Variants in MTR observed in about 807,000 individuals in gnomAD.
MTR encodes 5-methyltetrahydrofolate-homocysteine methyltransferase, also known as methionine synthase.
In MTR, 84 loss-of-function variants were observed where a neutral mutation model predicts 154.8. The observed-to-expected ratio is 0.54, with a 90% CI of 0.45 to 0.65. The LOEUF is 0.65. MTR is among the 30% of genes least tolerant of loss of function. The probability of loss-of-function intolerance (pLI) is 0.00; values close to 1 mark genes in which losing one functional copy is unlikely to be tolerated. For missense variants in MTR, 1,275 were observed against 1,570.2 expected (o/e 0.81, Z 3.18); for synonymous variants, 554 against 553.9 (o/e 1.00, Z 0.00).
rs573562167 is a variant in MTR at position 236,827,804 on chromosome 1, ATT to A, written c.995+909_995+910del. Among the ~76,000 whole-genome samples, 14 of 152,250 alleles carry A rather than the reference ATT, an allele frequency of 9.2e-5. No homozygotes were observed. In the South Asian group the frequency reaches 2.9e-3, roughly 32 times the overall value. On this transcript the variant is annotated intron_variant, in intron 11 of 32. Transcript: ENST00000366577. ...AGATTGGAATTCAGTGAAATGGAAC[ATT>A]GTTTAGGACTGTTTATATTTGTTTT...
chr1:236,853,381 C>T (rs1209404677), intron 18 of MTR, among the ~76,000 whole-genome samples: 10 of 152,086 alleles, frequency 6.6e-5, no homozygotes, highest in African/African-American at 2.4e-4. Flanking sequence ...AGAAAATTTA[C>T]AAAATTCTGG....
chr1:236,801,903 C>T lies in MTR; in HGVS notation c.35-1525C>T, dbSNP rs75309676. Among the ~76,000 whole-genome samples the T allele has an allele frequency of 2.5e-3, 376 of 152,226 alleles. 1 individual carries two copies. Among genetic ancestry groups the T allele is most frequent in the African/African-American group, 8.8e-3 (364 of 41,528 alleles). On this transcript the variant is annotated intron_variant, in intron 1 of 32. Coordinates refer to ENST00000366577, the MANE Select transcript of MTR (RefSeq NM_000254.3). ...GCACAGGATGGATTAGAACACAGGGCGACTGGGTATGGTGGTGATCTCTTA... is the reference window on the plus strand; with the variant it reads ...GCACAGGATGGATTAGAACACAGGGTGACTGGGTATGGTGGTGATCTCTTA...
At chr1:236,796,552 G>T (rs1660399276) in intron 1 of MTR, among the ~76,000 whole-genome samples, 1 of 152,054 alleles carries the variant, frequency 6.6e-6, no homozygotes, top group Admixed American at 6.5e-5. Flanking sequence ...AGGAAGAGGG[G>T]GAATACTAAA....
At chr1:236,854,028 T>C (rs1010754398) in intron 18 of MTR, among the ~76,000 whole-genome samples, 3 of 152,234 alleles carry the variant, frequency 2.0e-5, no homozygotes, top group African/African-American at 7.2e-5. Context: ...GAGAAAGTGG[T>C]AGGATGCTTT....
Sources: gnomAD v4.1 joint callset for allele counts (sites outside exome capture counted in the v4.1 genomes callset) on GRCh38, gnomAD v4.1.1 for gene constraint, MANE v1.5 for transcripts, NCBI Gene and HGNC (gene_info 2026-07-23, HGNC 2026-07-21) for gene names.